The following LOXHD1 variants were observed in gnomAD, a reference collection of about 807,000 sequenced individuals.
LOXHD1 encodes lipoxygenase homology PLAT domains 1, also known as lipoxygenase homology domain-containing protein 1.
LOXHD1 carries 205 observed loss-of-function variants against 248.2 expected under a neutral mutation model. That is an observed-to-expected ratio of 0.83 (90% CI 0.74 to 0.93). LOXHD1 has a LOEUF of 0.93. Ranked by LOEUF, LOXHD1 falls within the 40% of genes least tolerant of loss-of-function variation. The probability of loss-of-function intolerance (pLI) is 0.00; values close to 1 mark genes in which losing one functional copy is unlikely to be tolerated. For missense variants in LOXHD1, 2,930 were observed against 2,971.6 expected (o/e 0.99, Z 0.33); for synonymous variants, 1,113 against 1,162.8 (o/e 0.96, Z 0.87).
At chr18:46,570,215 G>A (rs961658336) in intron 15 of LOXHD1, among the ~76,000 whole-genome samples, 44 of 152,212 alleles carry the variant, frequency 2.9e-4, no homozygotes, top group Non-Finnish European at 6.2e-4. Context: ...GGGCCACCAC[G>A]AGGGTGTCAC....
intron 37 of LOXHD1, among the ~76,000 whole-genome samples, chr18:46,500,596 C>G (rs1031629440): frequency 1.3e-5 from 2 of 152,226 alleles, no homozygotes; most frequent in African/African-American, 4.8e-5. Flanking sequence ...CAATGATCTT[C>G]TCTGAGTGAT....
chr18:46,491,449 C>T (rs1219448030), intron 37 of LOXHD1, among the ~76,000 whole-genome samples: 6 of 152,260 alleles, frequency 3.9e-5, no homozygotes, highest in Admixed American at 1.3e-4. Context: ...GAGGTCAACG[C>T]TGCTGGTCCT....
At chr18:46,536,814 G>A (rs762654993) in intron 26 of LOXHD1, among the ~76,000 whole-genome samples, 12 of 152,200 alleles carry the variant, frequency 7.9e-5, no homozygotes, top group Non-Finnish European at 1.6e-4. Context: ...GATAGAGACT[G>A]GCCCAGGAAG....
chr18:46,656,799 A>G, intron 1 of LOXHD1, 105 bp downstream of exon 1: 1 of 1,285,912 alleles, frequency 7.8e-7, no homozygotes, highest in South Asian at 1.4e-5. Context: ...TCAGTGAGGA[A>G]GGGCTTGCTC....
At chr18:46,500,026 T>C (rs1450395862) in intron 37 of LOXHD1, among the ~76,000 whole-genome samples, 1 of 152,026 alleles carries the variant, frequency 6.6e-6, no homozygotes, top group African/African-American at 2.4e-5. Flanking sequence ...AGATGTAAAT[T>C]TCCTCCCCAA....
rs540100675 is a variant in LOXHD1 at position 46,579,680 on chromosome 18, G to A, written c.1759C>T (p.Arg587Trp). The change falls in exon 13 of 41, where the codon CGG becomes TGG. Residue 587 changes from arginine to tryptophan, a missense_variant. Physicochemically the swap from Arg to Trp is moderately radical, Grantham distance 101. Coordinates refer to ENST00000642948, the MANE Select transcript of LOXHD1 (RefSeq NM_001384474.1). ...TTATTCCTGCAGTTGTAGAGCAGCC[G>A]TTCCCCCGTGTCCCCCACATCACCA... Reference protein sequence around the residue: ...LFGDVGDTGERLLYNCRNNTD... With the variant: ...LFGDVGDTGEWLLYNCRNNTD... 7.2e-5 allele frequency: 111 copies of A among 1,551,740 alleles called. No individual in the cohort carries two copies. Among genetic ancestry groups the A allele is most frequent in the South Asian group, 2.0e-4 (17 of 84,058 alleles).
chr18:46,477,794 C>T lies in LOXHD1; in HGVS notation c.6500G>A (p.Gly2167Glu). Reference protein sequence around the residue: ...EVIVTTGYEPGAGTDANVFVT... With the variant: ...EVIVTTGYEPEAGTDANVFVT... The stretch of plus-strand genomic sequence containing the variant: ...GAAGACGTTGGCATCAGTGCCTGCC[C>T]CTGGCTCATAGCCTGTTGTCACGAT... The change falls in exon 41 of 41, where the codon GGG becomes GAG. Residue 2167 changes from glycine (G) to glutamate (E), a missense_variant. Coordinates refer to ENST00000642948, the MANE Select transcript of LOXHD1 (RefSeq NM_001384474.1). The T allele has an allele frequency of 3.2e-6, 5 of 1,551,858 alleles. No individual in the cohort carries two copies. The highest frequency in any genetic ancestry group is 4.4e-6 in the Non-Finnish European group (5 of 1,147,036).
chr18:46,562,252 G>A (rs1007490562), intron 18 of LOXHD1, among the ~76,000 whole-genome samples: 12 of 152,194 alleles, frequency 7.9e-5, no homozygotes, highest in Admixed American at 5.9e-4. Context: ...TCCTAGTTCA[G>A]CCAGGACTGT....
Position 46,507,923 on chromosome 18 carries a change from C to T in LOXHD1, c.5518-211G>A, listed in dbSNP as rs531649193. ...CCTGGCATGGGATTTGAAGTCCTTA[C>T]GAGGACTGCCCTAGCTTGGGATTTG... On this transcript the variant is annotated intron_variant, in intron 35 of 40. Transcript: ENST00000642948. Among the ~76,000 whole-genome samples the T allele has an allele frequency of 5.7e-4, 87 of 152,276 alleles. 1 individual carries two copies. The Middle Eastern group carries it at 0.02, about 36-fold the overall frequency.
chr18:46,531,638 GC>G (rs2036075598), intron 28 of LOXHD1, among the ~76,000 whole-genome samples: 1 of 152,246 alleles, frequency 6.6e-6, no homozygotes, highest in African/African-American at 2.4e-5. Flanking sequence ...TGAATGCTGA[GC>G]AATGCAGTAG....
intron 25 of LOXHD1, among the ~76,000 whole-genome samples, chr18:46,538,838 T>A (rs2036434836): frequency 6.6e-6 from 1 of 152,152 alleles, no homozygotes; most frequent in Non-Finnish European, 1.5e-5. Context: ...ATTCTTTCAC[T>A]CTTCTCCGTA....
chr18:46,647,866 G>A (rs1370203648), intron 2 of LOXHD1, among the ~76,000 whole-genome samples: 1 of 152,180 alleles, frequency 6.6e-6, no homozygotes, highest in Non-Finnish European at 1.5e-5. Flanking sequence ...GCCCCAGGAT[G>A]TCTTAAGGAG....
intron 20 of LOXHD1, among the ~76,000 whole-genome samples, chr18:46,558,682 A>G (rs2037435372): frequency 6.6e-6 from 1 of 152,232 alleles, no homozygotes; most frequent in East Asian, 1.9e-4. Context: ...AGAGGCAGGA[A>G]TGGGAAGGGT....
At position 46,538,247 on chromosome 18, in the gene LOXHD1, G is replaced by A; in HGVS notation, c.4004C>T (p.Ala1335Val). The change falls in exon 26 of 41, where the codon GCC becomes GTC. Residue 1335 changes from alanine to valine, a missense_variant. Transcript: ENST00000642948. Reference sequence around the variant, plus strand: ...CAGATACTTCTGCTGGGTGCACACGGCATCGCAGCCATAGATGATGATGAA... The same window carrying A: ...CAGATACTTCTGCTGGGTGCACACGACATCGCAGCCATAGATGATGATGAA... The part of the protein sequence containing the change: ...NIFIIIYGCD[A>V]VCTQQKYLCT... 6.4e-7 allele frequency: 1 copy of A among 1,551,350 alleles called. No homozygotes were observed.
At chr18:46,523,540 C>T (rs1223661432) in intron 31 of LOXHD1, among the ~76,000 whole-genome samples, 2 of 152,182 alleles carry the variant, frequency 1.3e-5, no homozygotes, top group Non-Finnish European at 2.9e-5. Flanking sequence ...TTCCAGGTCT[C>T]TGTCATTTGC....
At chr18:46,538,073 T>C in intron 26 of LOXHD1, 83 bp downstream of exon 26, 6 of 1,234,056 alleles carry the variant, frequency 4.9e-6, no homozygotes, top group Non-Finnish European at 6.7e-6. Flanking sequence ...ATGAAGGGCA[T>C]GTGTTCTGCC....
chr18:46,480,321 C>T (rs1041375702), intron 40 of LOXHD1, among the ~76,000 whole-genome samples: 8 of 152,118 alleles, frequency 5.3e-5, no homozygotes, highest in Admixed American at 3.9e-4. Context: ...AAATTTCCCT[C>T]CATTTCACCC....
chr18:46,534,206 G>T, intron 27 of LOXHD1, 129 bp downstream of exon 27: 1 of 638,146 alleles, frequency 1.6e-6, no homozygotes, highest in Non-Finnish European at 2.7e-6. Flanking sequence ...TGAACTGGGT[G>T]AATTTTCATT....
intron 29 of LOXHD1, among the ~76,000 whole-genome samples, chr18:46,526,051 C>A (rs544281070): frequency 6.6e-6 from 1 of 152,266 alleles, no homozygotes; most frequent in African/African-American, 2.4e-5. Flanking sequence ...AGGTAAATAG[C>A]AGCCAGTGGT....
Sources: gnomAD v4.1 joint callset for allele counts (sites outside exome capture counted in the v4.1 genomes callset) on GRCh38, gnomAD v4.1.1 for gene constraint, MANE v1.5 for transcripts, NCBI Gene and HGNC (gene_info 2026-07-23, HGNC 2026-07-21) for gene names.